The following NCAM2 variants were observed in gnomAD, a reference collection of about 807,000 sequenced individuals.
NCAM2 encodes the protein N-CAM-2.
In NCAM2, 30 loss-of-function variants were observed where a neutral mutation model predicts 98.1. The observed-to-expected ratio is 0.31, with a 90% confidence interval of 0.23 to 0.41. The LOEUF is 0.41. NCAM2 is among the 10% of genes least tolerant of loss of function. NCAM2 has a pLI of 1.00. For synonymous variants in NCAM2, 368 were observed against 342.4 expected (o/e 1.07, Z -0.83); for missense variants, 867 against 1,005.8 (o/e 0.86, Z 1.87).
chr21:21,522,508 A>G (rs1249362246), intron 16 of NCAM2, among the ~76,000 whole-genome samples: 2 of 151,572 alleles, frequency 1.3e-5, no homozygotes, highest in Admixed American at 1.3e-4. Context: ...ATGTGAAATT[A>G]TCCTTCACAT....
intron 1 of NCAM2, among the ~76,000 whole-genome samples, chr21:21,076,043 A>G (rs189779990): frequency 1.3e-5 from 2 of 151,844 alleles, no homozygotes; most frequent in East Asian, 3.9e-4. Context: ...CTTGCACCCA[A>G]GAGGAGGAGG....
chr21:21,264,093 C>T (rs62209217), intron 1 of NCAM2, among the ~76,000 whole-genome samples: 1 of 151,976 alleles, frequency 6.6e-6, no homozygotes, highest in African/African-American at 2.4e-5. Flanking sequence ...GCAAACTATG[C>T]CTCTGACAAA....
intron 9 of NCAM2, among the ~76,000 whole-genome samples, chr21:21,388,316 T>C (rs2076312062): frequency 6.6e-6 from 1 of 152,182 alleles, no homozygotes; most frequent in Non-Finnish European, 1.5e-5. Context: ...ATCAGACATA[T>C]ATGCTTGTGG....
chr21:21,265,089 T>TGTGTCTGTG (rs1568855732), intron 1 of NCAM2, among the ~76,000 whole-genome samples: 1 of 77,500 alleles, frequency 1.3e-5, no homozygotes, highest in African/African-American at 5.2e-5. Flanking sequence ...CACACATATA[T>TGTGTCTGTG]TATATATACA....
intron 15 of NCAM2, among the ~76,000 whole-genome samples, chr21:21,485,966 A>G (rs759685139): frequency 2.0e-5 from 3 of 152,206 alleles, no homozygotes; most frequent in Middle Eastern, 3.4e-3. Context: ...GTAATCTAGT[A>G]ATAGACCTGT....
At chr21:21,473,012 AC>A (rs1053656249) in intron 14 of NCAM2, among the ~76,000 whole-genome samples, 12 of 151,158 alleles carry the variant, frequency 7.9e-5, no homozygotes, top group Non-Finnish European at 1.6e-4. Context: ...ACACACACAC[AC>A]ACGTATATAT....
intron 15 of NCAM2, among the ~76,000 whole-genome samples, chr21:21,505,674 GA>G (rs1483905168): frequency 1.3e-5 from 2 of 151,864 alleles, no homozygotes; most frequent in Admixed American, 1.3e-4. Context: ...GATTACTGCT[GA>G]AAAGATGTGC....
intron 1 of NCAM2, among the ~76,000 whole-genome samples, chr21:21,098,491 G>A (rs573242498): frequency 6.6e-6 from 1 of 151,648 alleles, no homozygotes; most frequent in African/African-American, 2.4e-5. Context: ...ATTCCAGAAG[G>A]AACACAGTTA....
At chr21:21,297,868 T>C (rs1318168492) in intron 5 of NCAM2, among the ~76,000 whole-genome samples, 2 of 151,842 alleles carry the variant, frequency 1.3e-5, no homozygotes, top group Admixed American at 6.6e-5. Context: ...TTTTGTAAAT[T>C]TGTAAAGAGT....
At chr21:21,196,492 T>A (rs2069009231) in intron 1 of NCAM2, among the ~76,000 whole-genome samples, 1 of 152,210 alleles carries the variant, frequency 6.6e-6, no homozygotes, top group Admixed American at 6.5e-5. Context: ...GAGCACTAGA[T>A]GTTTCTTGGA....
chr21:21,117,183 A>G (rs1480416231), intron 1 of NCAM2, among the ~76,000 whole-genome samples: 1 of 152,166 alleles, frequency 6.6e-6, no homozygotes, highest in Non-Finnish European at 1.5e-5. Context: ...CTTATATCTG[A>G]AAGTTTATAC....
intron 1 of NCAM2, among the ~76,000 whole-genome samples, chr21:21,118,753 A>T (rs559823284): frequency 3.3e-5 from 5 of 151,846 alleles, no homozygotes; most frequent in Admixed American, 1.3e-4. Flanking sequence ...TCCTCAACAC[A>T]CATATTATTT....
intron 5 of NCAM2, among the ~76,000 whole-genome samples, chr21:21,294,662 G>A (rs2073411964): frequency 6.6e-6 from 1 of 151,802 alleles, no homozygotes; most frequent in Non-Finnish European, 1.5e-5. Context: ...CCGTCTGGAG[G>A]ATGCAGTTGG....
chr21:21,231,904 C>G (rs2070641812), intron 1 of NCAM2, among the ~76,000 whole-genome samples: 1 of 151,352 alleles, frequency 6.6e-6, no homozygotes, highest in East Asian at 1.9e-4. Context: ...TGTTTTCTGC[C>G]TACATAAACA....
At chr21:21,533,490 C>G (rs1989821524) in intron 16 of NCAM2, among the ~76,000 whole-genome samples, 2 of 151,768 alleles carry the variant, frequency 1.3e-5, no homozygotes, top group African/African-American at 2.4e-5. Context: ...TTCAGTTTTA[C>G]CGATGGACCA....
In NCAM2 at chr21:21,350,475, A is replaced by T. The variant is rs191776698; in HGVS notation, c.1044+11941A>T. 1.4e-3 allele frequency among the ~76,000 whole-genome samples: 218 copies of T among 152,298 alleles called. 1 individual carries two copies. The highest frequency in any genetic ancestry group is 7.2e-3 in the South Asian group (35 of 4,830). Reference sequence around the variant, plus strand: ...TATTTCACATAAATGCTACTGGGAAAAAAATTATGCCTTTTATATGAAATT... The same window carrying T: ...TATTTCACATAAATGCTACTGGGAATAAAATTATGCCTTTTATATGAAATT... On this transcript the variant is annotated intron_variant, in intron 8 of 17. Coordinates refer to ENST00000400546, the MANE Select transcript of NCAM2 (RefSeq NM_004540.5).
At chr21:21,500,446 A>G (rs577829865) in intron 15 of NCAM2, among the ~76,000 whole-genome samples, 3 of 152,274 alleles carry the variant, frequency 2.0e-5, no homozygotes, top group Admixed American at 1.3e-4. Context: ...AGAAATGGAA[A>G]TAGTGTTACA....
intron 6 of NCAM2, 66 bp downstream of exon 6, chr21:21,324,566 A>T: frequency 1.1e-6 from 1 of 898,304 alleles, no homozygotes; most frequent in South Asian, 2.6e-5. Context: ...AGTATTGGGG[A>T]TCTTAATCAT....
intron 12 of NCAM2, among the ~76,000 whole-genome samples, chr21:21,455,539 T>C (rs1982016341): frequency 6.6e-6 from 1 of 151,942 alleles, no homozygotes; most frequent in Admixed American, 6.6e-5. Flanking sequence ...GTCCTAATAA[T>C]TTAACTTCTC....
Sources: allele counts gnomAD v4.1 joint callset (sites outside exome capture counted in the v4.1 genomes callset), GRCh38; gene constraint gnomAD v4.1.1; transcripts MANE v1.5; gene names NCBI Gene and HGNC (gene_info 2026-07-23, HGNC 2026-07-21).